Variants in NXN observed in about 807,000 individuals in gnomAD.
NXN encodes nucleoredoxin.
In NXN, 16 loss-of-function variants were observed where a neutral mutation model predicts 48.6. The observed-to-expected ratio is 0.33, with a 90% CI of 0.22 to 0.50. NXN has a LOEUF of 0.50. NXN is among the 20% of genes least tolerant of loss of function. The pLI, the probability that NXN is intolerant of heterozygous loss-of-function variation, is 0.98. For missense variants in NXN, 492 were observed against 605.5 expected, an observed-to-expected ratio of 0.81 and a Z score of 1.97; for synonymous variants, 281 against 269.6, an observed-to-expected ratio of 1.04 and a Z score of -0.41.
At chr17:870,706 G>A (rs1362380732) in intron 1 of NXN, among the ~76,000 whole-genome samples, 3 of 151,220 alleles carry the variant, frequency 2.0e-5, no homozygotes, top group East Asian at 1.9e-4. Context: ...AGTGAGCCCC[G>A]ATTGTGCTAC....
intron 1 of NXN, among the ~76,000 whole-genome samples, chr17:941,679 C>T (rs1478860654): frequency 2.0e-4 from 7 of 34,776 alleles, no homozygotes; most frequent in African/African-American, 5.3e-4. Flanking sequence ...CATGAACTCA[C>T]ATCACACCTT....
chr17:918,381 C>T (rs1375697856), intron 1 of NXN, among the ~76,000 whole-genome samples: 4 of 152,162 alleles, frequency 2.6e-5, no homozygotes, highest in East Asian at 1.9e-4. Context: ...TTCATCGCAG[C>T]GTTTCATCTC....
At chr17:966,005 A>G (rs763188188) in intron 1 of NXN, among the ~76,000 whole-genome samples, 10 of 151,796 alleles carry the variant, frequency 6.6e-5, no homozygotes, top group Non-Finnish European at 1.3e-4. Context: ...AGTCCCAGCT[A>G]CTCGAGAGGC....
intron 1 of NXN, among the ~76,000 whole-genome samples, chr17:918,908 A>G (rs1221196030): frequency 6.6e-6 from 1 of 151,180 alleles, no homozygotes; most frequent in Non-Finnish European, 1.5e-5. Flanking sequence ...CTCATTAAAA[A>G]TGTCTCTGCA....
Position 800,971 on chromosome 17 carries a change from T to A in NXN, c.1286A>T (p.Lys429Met). 1 of 1,508,606 alleles carries A rather than the reference T, an allele frequency of 6.6e-7. No individual in the cohort carries two copies. The highest frequency in any genetic ancestry group is 8.9e-7 in the Non-Finnish European group (1 of 1,123,262). 93.5% of individuals were successfully genotyped at this position (1,508,606 alleles called of 1,614,324 possible). ...ACGCTAGATGGGCTCCGGTTTGAGC[T>A]TCTCTGCTAGGAAGTCATTCACAAA... ...EAFVNDFLAE[K>M]LKPEPI The change falls in exon 8 of 8, where the codon AAG (lysine) becomes ATG (methionine). Residue 429 changes from lysine to methionine, a missense_variant. Lys to Met is a moderately conservative substitution (Grantham distance 95). This residue lies in a region of NXN where 303 missense variants were observed against 388.3 expected (regional missense o/e 0.78). Transcript: ENST00000336868.
chr17:870,076 G>A, intron 1 of NXN, among the ~76,000 whole-genome samples: 1 of 152,098 alleles, frequency 6.6e-6, no homozygotes, highest in East Asian at 1.9e-4. Flanking sequence ...GTAGGTAGAA[G>A]CCAGGATGCT....
chr17:900,227 T>C (rs552446017), intron 1 of NXN, among the ~76,000 whole-genome samples: 7 of 151,944 alleles, frequency 4.6e-5, no homozygotes, highest in African/African-American at 7.2e-5. Context: ...GATTGCGCCA[T>C]TGCACTCCAG....
intron 1 of NXN, among the ~76,000 whole-genome samples, chr17:895,926 G>A (rs1212670706): frequency 6.6e-6 from 1 of 152,124 alleles, no homozygotes; most frequent in Non-Finnish European, 1.5e-5. Context: ...ACTGTTGATG[G>A]GCTGGGGGCA....
At chr17:810,462 G>A (rs557973264) in intron 5 of NXN, among the ~76,000 whole-genome samples, 3 of 152,322 alleles carry the variant, frequency 2.0e-5, no homozygotes, top group South Asian at 4.1e-4. Flanking sequence ...GTTAACATCA[G>A]ATGAAAATCA....
At chr17:840,119 G>A (rs1394786495) in intron 1 of NXN, among the ~76,000 whole-genome samples, 2 of 151,454 alleles carry the variant, frequency 1.3e-5, no homozygotes, top group Non-Finnish European at 2.9e-5. Context: ...GAGAGAGAGA[G>A]AGAATATTAC....
chr17:805,119 C>CG lies in NXN; in HGVS notation c.948dup (p.Asp317ArgfsTer8). The CG allele has an allele frequency of 6.2e-7, 1 of 1,610,096 alleles. No homozygotes were observed. Among genetic ancestry groups the CG allele is most frequent in the Non-Finnish European group, 8.5e-7 (1 of 1,178,800 alleles). Reference sequence around the variant, plus strand: ...TCGTTAAGCTGCGCGGCGTTGGAGTCGGAGAGCTCCAGCACGGGCTTGGGG... The same window carrying CG: ...TCGTTAAGCTGCGCGGCGTTGGAGTCGGGAGAGCTCCAGCACGGGCTTGGGG... On this transcript the variant is annotated frameshift_variant, in exon 6 of 8. Transcript: ENST00000336868. LOFTEE classifies it high-confidence loss of function.
At chr17:945,010 T>G (rs2069026077) in intron 1 of NXN, among the ~76,000 whole-genome samples, 1 of 151,924 alleles carries the variant, frequency 6.6e-6, no homozygotes, top group Non-Finnish European at 1.5e-5. Flanking sequence ...CAGAGGAGAA[T>G]TCTCACAAGG....
At chr17:837,074 G>T (rs1200961490) in intron 1 of NXN, among the ~76,000 whole-genome samples, 1 of 152,014 alleles carries the variant, frequency 6.6e-6, no homozygotes, top group African/African-American at 2.4e-5. Flanking sequence ...CACCACCCGG[G>T]CTCACGTGAT....
chr17:966,638 C>T (rs377752677), intron 1 of NXN, among the ~76,000 whole-genome samples: 5 of 152,092 alleles, frequency 3.3e-5, no homozygotes, highest in African/African-American at 1.2e-4. Context: ...TGAGCCACCA[C>T]GCCCGGCTGG....
chr17:957,451 G>A (rs1474592388), intron 1 of NXN, among the ~76,000 whole-genome samples: 2 of 152,092 alleles, frequency 1.3e-5, no homozygotes, highest in African/African-American at 4.8e-5. Flanking sequence ...GGCCAAGATG[G>A]CGAAACACCG....
At chr17:937,805 T>G (rs1440330630) in intron 1 of NXN, among the ~76,000 whole-genome samples, 2 of 152,240 alleles carry the variant, frequency 1.3e-5, no homozygotes. Context: ...ATGATGATTA[T>G]TTTTTAAGGA....
chr17:954,199 G>A (rs914759226), intron 1 of NXN, among the ~76,000 whole-genome samples: 11 of 152,066 alleles, frequency 7.2e-5, no homozygotes, highest in African/African-American at 2.7e-4. Flanking sequence ...CCAACATGGT[G>A]AACTTCCATC....
intron 1 of NXN, among the ~76,000 whole-genome samples, chr17:877,504 T>A (rs2068229750): frequency 6.6e-6 from 1 of 152,144 alleles, no homozygotes; most frequent in Non-Finnish European, 1.5e-5. Context: ...CTTCTACGTG[T>A]GAAGCCCTGT....
intron 1 of NXN, among the ~76,000 whole-genome samples, chr17:882,083 AT>A (rs1351237890): frequency 6.6e-6 from 1 of 152,150 alleles, no homozygotes; most frequent in African/African-American, 2.4e-5. Flanking sequence ...CATGAATTTT[AT>A]TGTGTTAAAT....
Sources: allele counts gnomAD v4.1 joint callset (sites outside exome capture counted in the v4.1 genomes callset), GRCh38; gene constraint gnomAD v4.1.1; regional missense constraint gnomAD v4.1.1; transcripts MANE v1.5; gene names NCBI Gene and HGNC (gene_info 2026-07-23, HGNC 2026-07-21).